Variants in DNMT3A observed in about 807,000 individuals in gnomAD.
DNMT3A encodes DNA (cytosine-5)-methyltransferase 3A.
DNMT3A carries 267 observed loss-of-function variants against 117.6 expected under a neutral mutation model. The observed-to-expected ratio is 2.27, with a 90% CI of 2.05 to 2.51. The LOEUF is 2.51. Ranked by LOEUF, DNMT3A falls within the 30% of genes most tolerant of loss-of-function variation. The probability of loss-of-function intolerance (pLI) is 0.00; values close to 1 mark genes in which losing one functional copy is unlikely to be tolerated. For missense variants in DNMT3A, 1,029 were observed against 1,260.2 expected, an observed-to-expected ratio of 0.82 and a Z score of 2.78; for synonymous variants, 432 against 474.8, an observed-to-expected ratio of 0.91 and a Z score of 1.17.
chr2:25,246,497 G>T (rs543472986), intron 10 of DNMT3A, 123 bp downstream of exon 10: 5 of 1,465,632 alleles, frequency 3.4e-6, no homozygotes, highest in African/African-American at 1.4e-5. Flanking sequence ...GAGAGACCCC[G>T]GCTGTTCCCA....
At chr2:25,299,446 T>G (rs1251933213) in intron 3 of DNMT3A, among the ~76,000 whole-genome samples, 2 of 152,074 alleles carry the variant, frequency 1.3e-5, no homozygotes, top group African/African-American at 4.8e-5. Context: ...AGACCCTGGG[T>G]GAGAGTGTGG....
rs1675699451 is a variant in DNMT3A, at chr2:25,252,469, C to T, written c.640-4217G>A. On this transcript the variant is annotated intron_variant, in intron 6 of 22. Transcript: ENST00000321117. The surrounding 1 kb of genome is among the most constrained non-coding windows in gnomAD (Gnocchi z 5.5). ...CTCCGACGCTGGCGCTGGGCCAGCCCCTCTTCTCCGGTCCGAGGGGCGCGG... is the reference window on the plus strand; with the variant it reads ...CTCCGACGCTGGCGCTGGGCCAGCCTCTCTTCTCCGGTCCGAGGGGCGCGG... 6.6e-6 allele frequency among the ~76,000 whole-genome samples: 1 copy of T among 152,028 alleles called. No homozygotes were observed. The highest frequency in any genetic ancestry group is 6.5e-5 in the Admixed American group (1 of 15,278).
At position 25,252,148 on chromosome 2, in the gene DNMT3A, C is replaced by T. The variant is rs1220140536; in HGVS notation, c.640-3896G>A. 6 of 1,548,000 alleles carry T rather than the reference C, an allele frequency of 3.9e-6. No individual in the cohort carries two copies. Among genetic ancestry groups the T allele is most frequent in the African/African-American group, 1.4e-5 (1 of 72,268 alleles). ...GCGGAGATCCTCCCACCGGCCCTGC[C>T]GCCTCCCCGCCCCCGGTCTCCCCGG... On this transcript the variant is annotated intron_variant, in intron 6 of 22. Transcript: ENST00000321117. The surrounding 1 kb of genome is among the most constrained non-coding windows in gnomAD (Gnocchi z 5.5).
At position 25,247,098 on chromosome 2, in the gene DNMT3A, AC is replaced by A; in HGVS notation, c.1074del (p.Tyr359ThrfsTer48). The stretch of plus-strand genomic sequence containing the variant: ...TTGCGGTACATGGGCTGCTTGTTGT[AC>A]GTGGCCTGGTGGAACGCACTGCAAA... ...SSFCSAFHQA[T>X]YNKQPMYRKA... On this transcript the variant is annotated frameshift_variant, in exon 9 of 23. Coordinates refer to ENST00000321117, the MANE Select transcript of DNMT3A (RefSeq NM_022552.5). LOFTEE classifies it high-confidence loss of function. This position sits in a 1 kb window ranked among gnomAD's most constrained non-coding sequence, Gnocchi z 5.6. 6.2e-7 allele frequency: 1 copy of A among 1,614,062 alleles called. No homozygotes were observed. The highest frequency in any genetic ancestry group is 8.5e-7 in the Non-Finnish European group (1 of 1,179,998).
At position 25,247,252 on chromosome 2, in the gene DNMT3A, G is replaced by T; in HGVS notation, c.1015-94C>A. ...CTGGCAGGGGCTGGGAGCCTCGAGA[G>T]TCAGTCTCAGCCCTGGAGGGGACCA... On this transcript the variant is annotated intron_variant, in intron 8 of 22. Coordinates refer to ENST00000321117, the MANE Select transcript of DNMT3A (RefSeq NM_022552.5). The surrounding 1 kb of genome is among the most constrained non-coding windows in gnomAD (Gnocchi z 5.6). 7.9e-7 allele frequency: 1 copy of T among 1,266,512 alleles called. No homozygotes were observed. The highest frequency in any genetic ancestry group is 1.1e-6 in the Non-Finnish European group (1 of 886,872). The allele number at this position is 1,266,512 out of a possible 1,614,324, so 78.5% of individuals were successfully genotyped here.
intron 1 of DNMT3A, among the ~76,000 whole-genome samples, chr2:25,334,222 C>A (rs1452518788): frequency 6.6e-6 from 1 of 152,172 alleles, no homozygotes; most frequent in Admixed American, 6.5e-5. Context: ...TGCTAAGCAA[C>A]CAGCCCTGAG....
chr2:25,236,869 C>G lies in DNMT3A; in HGVS notation c.2478+67G>C. The stretch of plus-strand genomic sequence containing the variant: ...GCAGGCGGGACAAGGCCCTGGCCAC[C>G]GCTCCACCTCATCCTGCCCTTCCTT... On this transcript the variant is annotated intron_variant, in intron 21 of 22. Coordinates refer to ENST00000321117, the MANE Select transcript of DNMT3A (RefSeq NM_022552.5). This position sits in a 1 kb window ranked among gnomAD's most constrained non-coding sequence, Gnocchi z 4.5. 6.6e-7 allele frequency: 1 copy of G among 1,521,748 alleles called. No individual in the cohort carries two copies. Among genetic ancestry groups the G allele is most frequent in the Non-Finnish European group, 8.9e-7 (1 of 1,118,596 alleles). The allele number at this position is 1,521,748 out of a possible 1,614,324, so 94.3% of individuals were successfully genotyped here. A position where few individuals can be genotyped will look rare whatever the true frequency, so the allele number is the denominator to read the frequency against.
chr2:25,252,024 A>G lies in DNMT3A; in HGVS notation c.640-3772T>C. ...CTCGTGGGCAGGAAGGCGGCGGGCC[A>G]GCACTAAGTCAGCATCTCCAGAACT... On this transcript the variant is annotated intron_variant, in intron 6 of 22. Coordinates refer to ENST00000321117, the MANE Select transcript of DNMT3A (RefSeq NM_022552.5). The surrounding 1 kb of genome is among the most constrained non-coding windows in gnomAD (Gnocchi z 5.5). 1 of 803,754 alleles carries G rather than the reference A, an allele frequency of 1.2e-6. No individual in the cohort carries two copies. The highest frequency in any genetic ancestry group is 3.3e-5 in the East Asian group (1 of 30,480). The allele number at this position is 803,754 out of a possible 1,614,324, so 49.8% of individuals were successfully genotyped here.
chr2:25,235,928 G>A, intron 21 of DNMT3A, 103 bp from the exon 22 acceptor site: 1 of 1,090,286 alleles, frequency 9.2e-7, no homozygotes, highest in East Asian at 2.4e-5. Flanking sequence ...ACCCTGACAG[G>A]GCCTGGTCCA....
rs182792143 is a variant in DNMT3A, at chr2:25,248,701, C to G, written c.640-449G>C. On this transcript the variant is annotated intron_variant, in intron 6 of 22. Transcript: ENST00000321117. ...TAGCTGGGATTACAGGCATGTACCA[C>G]CACACCTGGCTAATTTTTGTATTTT... Among the ~76,000 whole-genome samples the G allele has an allele frequency of 2.7e-3, 413 of 152,202 alleles. 2 individuals carry two copies. The highest frequency in any genetic ancestry group is 9.4e-3 in the African/African-American group (390 of 41,518).
intron 1 of DNMT3A, among the ~76,000 whole-genome samples, chr2:25,316,702 G>C (rs149329288): frequency 2.0e-5 from 3 of 152,176 alleles, no homozygotes; most frequent in South Asian, 2.1e-4. Context: ...CCACCACATC[G>C]GTCCTTCCAC....
At chr2:25,334,432 TGTGGCCTCCCAA>T (rs1043393901) in intron 1 of DNMT3A, among the ~76,000 whole-genome samples, 4 of 152,124 alleles carry the variant, frequency 2.6e-5, no homozygotes, top group Non-Finnish European at 4.4e-5. Flanking sequence ...CTCCCTTGGG[TGTGGCCTCCCAA>T]GAGGCTCTCA....
intron 2 of DNMT3A, 91 bp from the exon 3 acceptor site, chr2:25,300,334 C>T (rs2033358666): frequency 7.2e-7 from 1 of 1,394,670 alleles, no homozygotes; most frequent in Admixed American, 2.1e-5. Flanking sequence ...GGCTTCCCTT[C>T]CAGCCCCAGC....
Position 25,252,309 on chromosome 2 carries a change from C to A in DNMT3A, c.640-4057G>T. Reference sequence around the variant, plus strand: ...GGGAAGGGGGCGATGGGGCTGGGGGCGGAGGGGGCCACTGGGAGGGGAGGG... The same window carrying A: ...GGGAAGGGGGCGATGGGGCTGGGGGAGGAGGGGGCCACTGGGAGGGGAGGG... On this transcript the variant is annotated intron_variant, in intron 6 of 22. Transcript: ENST00000321117. The surrounding 1 kb of genome is among the most constrained non-coding windows in gnomAD (Gnocchi z 5.5). 1.8e-5 allele frequency: 1 copy of A among 54,908 alleles called. No homozygotes were observed. The highest frequency in any genetic ancestry group is 3.5e-5 in the Non-Finnish European group (1 of 28,198). The allele number at this position is 54,908 out of a possible 1,614,324, so 3.4% of individuals were successfully genotyped here.
In DNMT3A at chr2:25,275,016, G is replaced by A. The variant is rs2031277939; in HGVS notation, c.564C>T (p.Leu188=). The change falls in exon 6 of 23, where the codon CTC becomes CTT. Residue 188 remains leucine, a synonymous_variant. Transcript: ENST00000321117. ...SSLRQRPMPR[L]TFQAGDPYYI... The stretch of plus-strand genomic sequence containing the variant: ...AGTAGGGGTCCCCCGCCTGGAAGGT[G>A]AGCCTCGGCATGGGCCGCTGACGGA... 1 of 1,612,670 alleles carries A rather than the reference G, an allele frequency of 6.2e-7. No homozygotes were observed. The highest frequency in any genetic ancestry group is 1.1e-5 in the South Asian group (1 of 90,742).
rs1011991277 is a variant in DNMT3A, at chr2:25,339,797, C to A, written c.-178+2029G>T. Reference sequence around the variant, plus strand: ...GAGGGTCCCCGGGATGCCTGGCCCCCCAAATCCCACAGGCCAGTCCTAACA... The same window carrying A: ...GAGGGTCCCCGGGATGCCTGGCCCCACAAATCCCACAGGCCAGTCCTAACA... On this transcript the variant is annotated intron_variant, in intron 1 of 22. Coordinates refer to ENST00000321117, the MANE Select transcript of DNMT3A (RefSeq NM_022552.5). The surrounding 1 kb of genome is among the most constrained non-coding windows in gnomAD (Gnocchi z 4.9). Among the ~76,000 whole-genome samples the A allele has an allele frequency of 6.6e-6, 1 of 152,234 alleles. No individual in the cohort carries two copies. Among genetic ancestry groups the A allele is most frequent in the Non-Finnish European group, 1.5e-5 (1 of 68,040 alleles).
intron 1 of DNMT3A, among the ~76,000 whole-genome samples, chr2:25,329,194 AGGGTTCT>A (rs1224910138): frequency 6.6e-6 from 1 of 152,186 alleles, no homozygotes; most frequent in Non-Finnish European, 1.5e-5. Context: ...AGAAGAGCCC[AGGGTTCT>A]GAGCAGCACA....
chr2:25,282,096 C>T lies in DNMT3A; in HGVS notation c.448+345G>A. On this transcript the variant is annotated intron_variant, in intron 4 of 22. Transcript: ENST00000321117. This position sits in a 1 kb window ranked among gnomAD's most constrained non-coding sequence, Gnocchi z 5.2. ...GCCACAGAAGGCGATGGAGGGACCGCCATTATCCCAGTCTAGCAATCGTTG... is the reference window on the plus strand; with the variant it reads ...GCCACAGAAGGCGATGGAGGGACCGTCATTATCCCAGTCTAGCAATCGTTG... 1 of 1,138,330 alleles carries T rather than the reference C, an allele frequency of 8.8e-7. No homozygotes were observed. Among genetic ancestry groups the T allele is most frequent in the East Asian group, 3.9e-5 (1 of 25,758 alleles). The allele number at this position is 1,138,330 out of a possible 1,614,324, so 70.5% of individuals were successfully genotyped here.
chr2:25,288,209 T>C (rs995205817), intron 3 of DNMT3A, among the ~76,000 whole-genome samples: 1 of 143,728 alleles, frequency 7.0e-6, no homozygotes, highest in Non-Finnish European at 1.5e-5. Flanking sequence ...CTGAGGCGGG[T>C]GGATCATGAG....
Sources: allele counts gnomAD v4.1 joint callset (sites outside exome capture counted in the v4.1 genomes callset), GRCh38; gene constraint gnomAD v4.1.1; non-coding constraint Gnocchi (gnomAD v3.1); transcripts MANE v1.5; gene names NCBI Gene and HGNC (gene_info 2026-07-23, HGNC 2026-07-21).